The following WNT6 variants were observed in gnomAD, a reference collection of about 807,000 sequenced individuals.
The protein encoded by WNT6 is Wnt family member 6, also known as protein Wnt-6.
Under a neutral mutation model 33.1 loss-of-function variants are expected in WNT6, and 27 were observed. The observed-to-expected ratio is 0.82, with a 90% CI of 0.60 to 1.12. WNT6 has a LOEUF of 1.12. Ranked by LOEUF, WNT6 falls within the 50% of genes most tolerant of loss-of-function variation. The pLI, the probability that WNT6 is intolerant of heterozygous loss-of-function variation, is 0.00. For missense variants in WNT6, 494 were observed against 535.3 expected (o/e 0.92, Z 0.76); for synonymous variants, 249 against 242.8 (o/e 1.03, Z -0.24).
intron 1 of WNT6, among the ~76,000 whole-genome samples, chr2:218,864,799 A>AGGCT (rs1204540269): frequency 6.6e-6 from 1 of 152,048 alleles, no homozygotes; most frequent in East Asian, 1.9e-4. Flanking sequence ...CCCCCAACCC[A>AGGCT]GGCTGGGCCT....
intron 1 of WNT6, among the ~76,000 whole-genome samples, chr2:218,861,452 C>T (rs1237671414): frequency 6.6e-6 from 1 of 152,112 alleles, no homozygotes; most frequent in African/African-American, 2.4e-5. Context: ...AACAGTCTCC[C>T]TACCTGGCAG....
chr2:218,864,425 AT>A (rs879939092), intron 1 of WNT6, among the ~76,000 whole-genome samples: 62 of 146,318 alleles, frequency 4.2e-4, no homozygotes, highest in Non-Finnish European at 4.9e-4. Context: ...ATGCCAGCTA[AT>A]TTTTTTTTTT....
chr2:218,860,001 G>GC lies in WNT6; in HGVS notation c.-32dup. 3 of 1,394,172 alleles carry GC rather than the reference G, an allele frequency of 2.2e-6. No individual in the cohort carries two copies. Among genetic ancestry groups the GC allele is most frequent in the East Asian group, 3.1e-5 (1 of 32,114 alleles). 86.4% of individuals were successfully genotyped at this position (1,394,172 alleles called of 1,614,324 possible). A position where few individuals can be genotyped will look rare whatever the true frequency, so the allele number is the denominator to read the frequency against. ...GCGCCGCGGTTCGCCCCGCAGCCTC[G>GC]CCCCCTGCCCACCCGGGCGGCCGTA... On this transcript the variant is annotated 5_prime_UTR_variant, in exon 1 of 4. Transcript: ENST00000233948.
intron 1 of WNT6, among the ~76,000 whole-genome samples, chr2:218,866,819 T>G (rs779568746): frequency 2.0e-5 from 3 of 152,210 alleles, no homozygotes; most frequent in African/African-American, 4.8e-5. Flanking sequence ...ACTCCATGAA[T>G]GTCCATGCAT....
intron 1 of WNT6, among the ~76,000 whole-genome samples, chr2:218,864,677 C>T (rs907000875): frequency 1.3e-5 from 2 of 152,210 alleles, no homozygotes; most frequent in Admixed American, 6.5e-5. Context: ...ACCCACCCCC[C>T]TCCTGGAAAA....
chr2:218,871,702 C>CGACGACGTGGACTTCGGG lies in WNT6; in HGVS notation c.525_542dup (p.Asp175_Asp180dup). 5 of 1,582,412 alleles carry CGACGACGTGGACTTCGGG rather than the reference C, an allele frequency of 3.2e-6. No homozygotes were observed. Among genetic ancestry groups the CGACGACGTGGACTTCGGG allele is most frequent in the Non-Finnish European group, 4.3e-6 (5 of 1,165,544 alleles). ...CCGCCTGGGAGTGGGGAGGCTGCGG[C>CGACGACGTGGACTTCGGG]GACGACGTGGACTTCGGGGACGAGA... On this transcript the variant is annotated inframe_insertion, in exon 3 of 4. Transcript: ENST00000233948. The surrounding 1 kb of genome is among the most constrained non-coding windows in gnomAD (Gnocchi z 6.4).
chr2:218,872,302 G>A (rs1317528990), intron 3 of WNT6, among the ~76,000 whole-genome samples: 2 of 152,178 alleles, frequency 1.3e-5, no homozygotes, highest in Admixed American at 1.3e-4. Flanking sequence ...GAGAGGCCTA[G>A]AAAGAGTTAG....
In WNT6 at chr2:218,868,064, G is replaced by A. The variant is rs1423678547; in HGVS notation, c.81-2963G>A. 2.6e-5 allele frequency among the ~76,000 whole-genome samples: 4 copies of A among 152,144 alleles called. No individual in the cohort carries two copies. In the East Asian group the frequency reaches 7.7e-4, roughly 29 times the overall value. On this transcript the variant is annotated intron_variant, in intron 1 of 3. Coordinates refer to ENST00000233948, the MANE Select transcript of WNT6 (RefSeq NM_006522.4). ...TTTAGGATGGGAGCAAGGACAGGAG[G>A]GCAGGGAACAAACTGGTCCCTTGGG...
chr2:218,860,456 G>A (rs1944298155), intron 1 of WNT6, among the ~76,000 whole-genome samples: 1 of 152,178 alleles, frequency 6.6e-6, no homozygotes, highest in Non-Finnish European at 1.5e-5. Context: ...AGGGTATGGG[G>A]CTGGATTTGG....
chr2:218,873,345 C>A lies in WNT6; in HGVS notation c.637-39C>A. ...TCCGCTGGGCCCTTCCCTGCACCCC[C>A]TACCTGTCCACATGCGTCCGCCCCT... On this transcript the variant is annotated intron_variant, in intron 3 of 3. Transcript: ENST00000233948. The surrounding 1 kb of genome is among the most constrained non-coding windows in gnomAD (Gnocchi z 6.1). 2 of 1,519,754 alleles carry A rather than the reference C, an allele frequency of 1.3e-6. No homozygotes were observed. The highest frequency in any genetic ancestry group is 1.8e-6 in the Non-Finnish European group (2 of 1,136,950). The allele number at this position is 1,519,754 out of a possible 1,614,324, so 94.1% of individuals were successfully genotyped here. A position where few individuals can be genotyped will look rare whatever the true frequency, so the allele number is the denominator to read the frequency against.
chr2:218,860,737 T>A (rs910658179), intron 1 of WNT6, among the ~76,000 whole-genome samples: 4 of 151,980 alleles, frequency 2.6e-5, no homozygotes, highest in Admixed American at 6.6e-5. Context: ...TGAAAAAATA[T>A]GTGCAGCCCG....
At chr2:218,870,181 A>G (rs1234632975) in intron 1 of WNT6, among the ~76,000 whole-genome samples, 3 of 150,804 alleles carry the variant, frequency 2.0e-5, no homozygotes, top group African/African-American at 4.9e-5. Flanking sequence ...GGAGCCCGCC[A>G]CTGCACTCCA....
rs772501701 is a variant in WNT6 at position 218,871,167 on chromosome 2, G to C, written c.221G>C (p.Arg74Pro). Residue 74 changes from arginine (R) to proline (P), a missense_variant, in exon 2 of 4, where the codon CGA becomes CCA. Coordinates refer to ENST00000233948, the MANE Select transcript of WNT6 (RefSeq NM_006522.4). This position sits in a 1 kb window ranked among gnomAD's most constrained non-coding sequence, Gnocchi z 6.4. ...ELARGARLGV[R>P]ECQFQFRFRR... ...GCTCGGGGCGCCCGGCTCGGGGTGCGAGAGTGCCAGTTCCAGTTCCGCTTC... is the reference window on the plus strand; with the variant it reads ...GCTCGGGGCGCCCGGCTCGGGGTGCCAGAGTGCCAGTTCCAGTTCCGCTTC... 6.2e-7 allele frequency: 1 copy of C among 1,613,766 alleles called. No homozygotes were observed. The highest frequency in any genetic ancestry group is 8.5e-7 in the Non-Finnish European group (1 of 1,179,952).
chr2:218,866,535 T>C (rs1301313164), intron 1 of WNT6, among the ~76,000 whole-genome samples: 2 of 152,096 alleles, frequency 1.3e-5, no homozygotes, highest in Admixed American at 1.3e-4. Context: ...AAGAGATGAA[T>C]AAGGGTGTGG....
At position 218,873,488 on chromosome 2, in the gene WNT6, C is replaced by T. The variant is rs1487089606; in HGVS notation, c.741C>T (p.Gly247=). ...WQKLPPFREV[G]ARLLERFHGA... ...AGCTGCCTCCATTTCGCGAGGTGGG[C>T]GCGCGGCTGCTGGAGCGCTTCCACG... The change falls in exon 4 of 4, where the codon GGC becomes GGT. Residue 247 remains glycine, a synonymous_variant. Transcript: ENST00000233948. This position sits in a 1 kb window ranked among gnomAD's most constrained non-coding sequence, Gnocchi z 6.1. 6.5e-7 allele frequency: 1 copy of T among 1,538,818 alleles called. No homozygotes were observed. Among genetic ancestry groups the T allele is most frequent in the Admixed American group, 2.0e-5 (1 of 50,978 alleles).
chr2:218,862,639 T>C (rs1944320109), intron 1 of WNT6, among the ~76,000 whole-genome samples: 1 of 152,094 alleles, frequency 6.6e-6, no homozygotes, highest in Non-Finnish European at 1.5e-5. Flanking sequence ...CGCCTCGGCC[T>C]CCCAAAGTGC....
chr2:218,872,501 C>G (rs867943663), intron 3 of WNT6, among the ~76,000 whole-genome samples: 1 of 152,070 alleles, frequency 6.6e-6, no homozygotes, highest in Admixed American at 6.5e-5. Flanking sequence ...CCCTCTGTAA[C>G]GAGGAGAGCC....
Position 218,871,813 on chromosome 2 carries a change from C to T in WNT6, c.630C>T (p.Gly210=). The change falls in exon 3 of 4, where the codon GGC becomes GGT. Residue 210 remains glycine (G), a synonymous_variant. Transcript: ENST00000233948. The surrounding 1 kb of genome is among the most constrained non-coding windows in gnomAD (Gnocchi z 6.4). ...TGCAACTGCACAACAACGAGGCGGG[C>T]AGGCTGGTGCGTACGGGCAGGATGG... ...ALVQLHNNEA[G]RLAVRSHTRT... is the part of the protein sequence containing the mutation. 6.3e-7 allele frequency: 1 copy of T among 1,585,834 alleles called. No homozygotes were observed. Among genetic ancestry groups the T allele is most frequent in the Non-Finnish European group, 8.6e-7 (1 of 1,167,998 alleles).
chr2:218,865,565 C>T (rs1474587125), intron 1 of WNT6, among the ~76,000 whole-genome samples: 2 of 152,214 alleles, frequency 1.3e-5, no homozygotes, highest in Non-Finnish European at 2.9e-5. Context: ...TGACTTGCCC[C>T]TGGCCACCCG....
Sources: gnomAD v4.1 joint callset for allele counts (sites outside exome capture counted in the v4.1 genomes callset) on GRCh38, gnomAD v4.1.1 for gene constraint, Gnocchi (gnomAD v3.1) non-coding constraint, MANE v1.5 for transcripts, NCBI Gene and HGNC (gene_info 2026-07-23, HGNC 2026-07-21) for gene names.